PMFBP1: variants seen among roughly 807,000 people sequenced by gnomAD.
The protein encoded by PMFBP1 is polyamine-modulated factor 1-binding protein 1.
A neutral mutation model predicts 137.8 loss-of-function variants in PMFBP1; 131 were observed. The observed-to-expected ratio is 0.95, with a 90% CI of 0.82 to 1.10. The LOEUF (loss-of-function observed/expected upper bound fraction) is 1.10, where lower values mean the gene tolerates loss of function less well. Among genes scored for constraint, PMFBP1 ranks in the 50% least tolerant of loss-of-function variants. The pLI, the probability that PMFBP1 is intolerant of heterozygous loss-of-function variation, is 0.00. For synonymous variants in PMFBP1, 490 were observed against 450.4 expected (o/e 1.09, Z -1.11); for missense variants, 1,199 against 1,175.4 (o/e 1.02, Z -0.29).
At chr16:72,234,314 CTTGTGATTAAA>C in the PMFBP1 span, among the ~76,000 whole-genome samples, 1 of 152,148 alleles carries the variant, frequency 6.6e-6, no homozygotes, top group African/African-American at 2.4e-5. Context: ...CTATCTGGGA[CTTGTGATTAAA>C]ACAGCCTGCA....
intron 2 of PMFBP1, among the ~76,000 whole-genome samples, chr16:72,170,644 C>T (rs1271394746): frequency 6.6e-6 from 1 of 152,050 alleles, no homozygotes; most frequent in Admixed American, 6.6e-5. Context: ...GTTGCCCAGG[C>T]TGGTCTTAAA....
At chr16:72,213,197 C>CA in the PMFBP1 span, among the ~76,000 whole-genome samples, 1 of 120,294 alleles carries the variant, frequency 8.3e-6, no homozygotes, top group Non-Finnish European at 1.8e-5. Flanking sequence ...AGCAAGAGCC[C>CA]GGGGGGGGGT....
rs2043121412 is a variant in PMFBP1, at chr16:72,164,821, C to G, written c.108G>C (p.Gln36His). ...IKNLHDVCKRQRKTLQDNQLC... is the reference protein window; with the variant it reads ...IKNLHDVCKRHRKTLQDNQLC... ...GCTGATTGTCCTGCAAGGTCTTCCT[C>G]TGTCTCTTGCAGACATCGTGCAGAT... The change falls in exon 3 of 21, where the codon CAG becomes CAC. Residue 36 changes from glutamine to histidine, a missense_variant. Physicochemically the swap from Gln to His is conservative, Grantham distance 24 (BLOSUM62 0). Coordinates refer to ENST00000237353, the MANE Select transcript of PMFBP1 (RefSeq NM_031293.3). 6.2e-7 allele frequency: 1 copy of G among 1,609,430 alleles called. No homozygotes were observed. Among genetic ancestry groups the G allele is most frequent in the South Asian group, 1.1e-5 (1 of 90,980 alleles).
chr16:72,176,359 G>C (rs1377887917), upstream of PMFBP1, among the ~76,000 whole-genome samples: 1 of 152,188 alleles, frequency 6.6e-6, no homozygotes, highest in East Asian at 1.9e-4. Context: ...TTTGTTGTCT[G>C]TTCCAACATC....
chr16:72,156,992 C>T (rs2042990649), intron 3 of PMFBP1, among the ~76,000 whole-genome samples: 3 of 151,672 alleles, frequency 2.0e-5, no homozygotes, highest in East Asian at 3.9e-4. Context: ...TCGAGACCAT[C>T]CTGGCTAACA....
rs1365932942 is a variant in PMFBP1 at position 72,161,159 on chromosome 16, A to C, written c.165+3605T>G. Among the ~76,000 whole-genome samples, 6 of 143,918 alleles carry C rather than the reference A, an allele frequency of 4.2e-5. No individual in the cohort carries two copies. The East Asian group carries it at 1.2e-3, about 29-fold the overall frequency. 94.4% of individuals were successfully genotyped at this position (143,918 alleles called of 152,430 possible). ...GTTGCCAAGGCTGGAGTGAAGTGGC[A>C]TGATCTCAGCTCACTGCAACCTCTG... is the stretch of plus-strand genomic sequence containing the variant. On this transcript the variant is annotated intron_variant, in intron 3 of 20. Transcript: ENST00000237353.
chr16:72,173,357 A>G (rs1013931277), upstream of PMFBP1, among the ~76,000 whole-genome samples: 2 of 152,228 alleles, frequency 1.3e-5, no homozygotes, highest in African/African-American at 4.8e-5. Flanking sequence ...TAGTCAGGAG[A>G]TGATTCTGAA....
intron 3 of PMFBP1, among the ~76,000 whole-genome samples, chr16:72,157,207 A>C (rs1328119052): frequency 4.0e-5 from 6 of 149,984 alleles, no homozygotes; most frequent in Non-Finnish European, 7.4e-5. Flanking sequence ...AAAAAAAAAA[A>C]AAAACCAGAC....
chr16:72,225,934 G>GACACACACACACAC, the PMFBP1 span, among the ~76,000 whole-genome samples: 2,705 of 140,718 alleles, frequency 0.019, 95 homozygotes, highest in African/African-American at 0.07. Flanking sequence ...CACACTCACA[G>GACACACACACACAC]ACACACACAC....
At chr16:72,202,408 G>A in the PMFBP1 span, among the ~76,000 whole-genome samples, 1 of 152,134 alleles carries the variant, frequency 6.6e-6, no homozygotes, top group Non-Finnish European at 1.5e-5. Context: ...GAACTCCTGG[G>A]CTCAAGCCAT....
At chr16:72,130,449 A>G (rs1461803819) in intron 11 of PMFBP1, 84 bp downstream of exon 11, 12 of 1,605,346 alleles carry the variant, frequency 7.5e-6, no homozygotes, top group Non-Finnish European at 9.4e-6. Context: ...TTGCTCTCCC[A>G]CGCCTGGGCA....
At chr16:72,189,645 T>C in the PMFBP1 span, among the ~76,000 whole-genome samples, 1 of 152,246 alleles carries the variant, frequency 6.6e-6, no homozygotes, top group South Asian at 2.1e-4. Context: ...GCCATTCTTT[T>C]GGAGATTAGG....
intron 17 of PMFBP1, among the ~76,000 whole-genome samples, 156 bp from the exon 18 acceptor site, chr16:72,123,805 C>T (rs1301868761): frequency 6.6e-6 from 1 of 152,190 alleles, no homozygotes; most frequent in African/African-American, 2.4e-5. Context: ...CCAGACCTCC[C>T]CCTCTGGCTT....
rs903468597 is a variant in PMFBP1 at position 72,124,098 on chromosome 16, TC to T, written c.2590-450del. Among the ~76,000 whole-genome samples the T allele has an allele frequency of 5.9e-4, 90 of 151,548 alleles. 1 individual carries two copies. The highest frequency in any genetic ancestry group is 1.9e-3 in the African/African-American group (77 of 41,354). ...GATCACGGCTCATGGCAGCTTAACC[TC>T]CCCCCCGGCTCAAGCTATCCTCCCA... On this transcript the variant is annotated intron_variant, in intron 17 of 20. Transcript: ENST00000237353.
intron 10 of PMFBP1, among the ~76,000 whole-genome samples, chr16:72,132,021 T>C (rs952136326): frequency 1.3e-5 from 2 of 152,134 alleles, no homozygotes; most frequent in African/African-American, 4.8e-5. Context: ...AATTTTTGTA[T>C]GTTTTGTAGA....
chr16:72,202,070 G>A, the PMFBP1 span, among the ~76,000 whole-genome samples: 1 of 152,312 alleles, frequency 6.6e-6, no homozygotes, highest in Non-Finnish European at 1.5e-5. Flanking sequence ...TGGACACCAT[G>A]ACTAGCATGG....
chr16:72,173,736 C>T (rs1028714408), upstream of PMFBP1, among the ~76,000 whole-genome samples: 8 of 152,138 alleles, frequency 5.3e-5, no homozygotes, highest in Non-Finnish European at 1.2e-4. Context: ...GGGGGAGCCC[C>T]ACAGGCTTTA....
chr16:72,192,931 A>C, the PMFBP1 span, among the ~76,000 whole-genome samples: 1 of 151,262 alleles, frequency 6.6e-6, no homozygotes, highest in Non-Finnish European at 1.5e-5. Flanking sequence ...GACATAATCT[A>C]AATGTCCAAA....
intron 17 of PMFBP1, among the ~76,000 whole-genome samples, chr16:72,124,178 C>T (rs8052408): frequency 0.45 from 68,437 of 151,936 alleles, 15,902 homozygotes; most frequent in South Asian, 0.58. Flanking sequence ...GCTCAGCTAA[C>T]ATTTAAACTT....
Sources: allele counts gnomAD v4.1 joint callset (sites outside exome capture counted in the v4.1 genomes callset), GRCh38; gene constraint gnomAD v4.1.1; transcripts MANE v1.5; gene names NCBI Gene and HGNC (gene_info 2026-07-23, HGNC 2026-07-21).